The following SH3TC2 variants were observed in gnomAD, a reference collection of about 807,000 sequenced individuals.
SH3TC2 encodes the protein SH3 domain and tetratricopeptide repeat-containing protein 2.
SH3TC2 carries 87 observed loss-of-function variants against 124.5 expected under a neutral mutation model. The observed-to-expected ratio is 0.70, with a 90% CI of 0.59 to 0.84. The LOEUF is 0.84. Ranked by LOEUF, SH3TC2 falls within the 40% of genes least tolerant of loss-of-function variation. The pLI, the probability that SH3TC2 is intolerant of heterozygous loss-of-function variation, is 0.00. For missense variants in SH3TC2, 1,536 were observed against 1,566.4 expected, an observed-to-expected ratio of 0.98 and a Z score of 0.33; for synonymous variants, 634 against 628.5, an observed-to-expected ratio of 1.01 and a Z score of -0.13.
chr5:149,036,834 G>C (rs973770920), intron 8 of SH3TC2, among the ~76,000 whole-genome samples: 2 of 152,138 alleles, frequency 1.3e-5, no homozygotes, highest in African/African-American at 4.8e-5. Context: ...TATTTGTAAA[G>C]CTCCTGGAAT....
At chr5:149,016,244 TA>T (rs1561760127) in intron 12 of SH3TC2, among the ~76,000 whole-genome samples, 1 of 152,196 alleles carries the variant, frequency 6.6e-6, no homozygotes, top group Non-Finnish European at 1.5e-5. Flanking sequence ...GACCAAGTAA[TA>T]AGCCCTGTTT....
chr5:149,027,394 G>A lies in SH3TC2; in HGVS notation c.2338C>T (p.Leu780=). The change falls in exon 11 of 17, where the codon CTG becomes TTG. Residue 780 remains leucine (L), a synonymous_variant. Coordinates refer to ENST00000515425, the MANE Select transcript of SH3TC2 (RefSeq NM_024577.4). ...TGCCCTAGCACCAAGGCCTGGCTCA[G>A]GTAGTGGATGGCACCGTCAGGAGAC... is the stretch of plus-strand genomic sequence containing the variant. ...HRSPDGAIHY[L]SQALVLGQLL... 4 of 1,614,158 alleles carry A rather than the reference G, an allele frequency of 2.5e-6. No homozygotes were observed. Among genetic ancestry groups the A allele is most frequent in the Non-Finnish European group, 3.4e-6 (4 of 1,180,038 alleles).
rs1753564620 is a variant in SH3TC2 at position 148,999,632 on chromosome 5, T to C, written c.*5079A>G. Among the ~76,000 whole-genome samples the C allele has an allele frequency of 1.3e-5, 2 of 152,186 alleles. No homozygotes were observed. Among genetic ancestry groups the C allele is most frequent in the Non-Finnish European group, 2.9e-5 (2 of 68,030 alleles). ...AGGGAAATATGGCAACTAAATCCAA[T>C]GTGGGATCAGAAGAACATTAGTGGG... On this transcript the variant is annotated 3_prime_UTR_variant, in exon 17 of 17. Coordinates refer to ENST00000515425, the MANE Select transcript of SH3TC2 (RefSeq NM_024577.4).
chr5:149,012,036 TC>T (rs1753791923), intron 13 of SH3TC2, among the ~76,000 whole-genome samples: 1 of 152,156 alleles, frequency 6.6e-6, no homozygotes, highest in Admixed American at 6.5e-5. Context: ...CCCAGAGATG[TC>T]ATATGGCAAG....
At chr5:149,029,732 C>T (rs1397298958) in intron 9 of SH3TC2, among the ~76,000 whole-genome samples, 2 of 152,062 alleles carry the variant, frequency 1.3e-5, no homozygotes, top group Non-Finnish European at 1.5e-5. Context: ...CAAGTGCAAC[C>T]GGACTAGGTA....
chr5:149,023,036 G>A (rs571096706), intron 12 of SH3TC2, among the ~76,000 whole-genome samples: 1 of 152,324 alleles, frequency 6.6e-6, no homozygotes, highest in South Asian at 2.1e-4. Context: ...TTTATGGTGT[G>A]TAATTAAACC....
At chr5:149,031,471 G>T (rs1754192063) in intron 9 of SH3TC2, 83 bp downstream of exon 9, 11 of 1,565,202 alleles carry the variant, frequency 7.0e-6, no homozygotes, top group Middle Eastern at 1.7e-4. Flanking sequence ...TTAGAATTTA[G>T]GGGTATTCTA....
intron 12 of SH3TC2, among the ~76,000 whole-genome samples, chr5:149,018,280 C>T (rs1753908757): frequency 6.6e-6 from 1 of 152,084 alleles, no homozygotes; most frequent in Non-Finnish European, 1.5e-5. Context: ...CATTGCAACC[C>T]CCCGCCCCCA....
In SH3TC2 at chr5:148,999,122, G is replaced by T. The variant is rs977487082; in HGVS notation, c.*5589C>A. ...CAGAGGAATAATTGAAGCTTAAAGA[G>T]GTAAAGTAAGTTGCTCAGGTCACTC... On this transcript the variant is annotated 3_prime_UTR_variant, in exon 17 of 17. Coordinates refer to ENST00000515425, the MANE Select transcript of SH3TC2 (RefSeq NM_024577.4). 2.6e-5 allele frequency among the ~76,000 whole-genome samples: 4 copies of T among 152,162 alleles called. No individual in the cohort carries two copies. The highest frequency in any genetic ancestry group is 9.7e-5 in the African/African-American group (4 of 41,436).
rs1267307502 is a variant in SH3TC2 at position 148,986,611 on chromosome 5, G to C, written c.*18100C>G. Among the ~76,000 whole-genome samples, 1 of 152,172 alleles carries C rather than the reference G, an allele frequency of 6.6e-6. No homozygotes were observed. ...TGCTTGTTGAATTATCATTTTAAAAGTGAACTTCAATTAGATTATTCATAC... is the reference window on the plus strand; with the variant it reads ...TGCTTGTTGAATTATCATTTTAAAACTGAACTTCAATTAGATTATTCATAC... On this transcript the variant is annotated 3_prime_UTR_variant, in exon 17 of 17. Transcript: ENST00000515425.
At chr5:149,037,114 G>A (rs17109282) in intron 8 of SH3TC2, among the ~76,000 whole-genome samples, 36,556 of 152,066 alleles carry the variant, frequency 0.24, 4,960 homozygotes, top group African/African-American at 0.36. Flanking sequence ...CCAGAGCATG[G>A]ACCCACCTTT....
In SH3TC2 at chr5:149,062,352, C is replaced by T. The variant is rs1284744048; in HGVS notation, c.52+619G>A. Reference sequence around the variant, plus strand: ...ACCAACCAGCCTGGTTGGCCTGGAACTGACATATCCCAGCAAATTCCTCAG... The same window carrying T: ...ACCAACCAGCCTGGTTGGCCTGGAATTGACATATCCCAGCAAATTCCTCAG... On this transcript the variant is annotated intron_variant, in intron 1 of 16. Transcript: ENST00000515425. 9.4e-6 allele frequency: 5 copies of T among 533,682 alleles called. No individual in the cohort carries two copies. The African/African-American group carries it at 9.6e-5, about 10-fold the overall frequency. The allele number at this position is 533,682 out of a possible 1,614,324, so 33.1% of individuals were successfully genotyped here.
chr5:149,009,750 A>G (rs1017578409), intron 14 of SH3TC2, among the ~76,000 whole-genome samples: 1 of 152,192 alleles, frequency 6.6e-6, no homozygotes, highest in Non-Finnish European at 1.5e-5. Context: ...TCTTAACATC[A>G]ACTCTTTTTC....
rs915208177 is a variant in SH3TC2, at chr5:148,983,050, C to G, written c.*21661G>C. 6.6e-6 allele frequency among the ~76,000 whole-genome samples: 1 copy of G among 152,162 alleles called. No individual in the cohort carries two copies. The highest frequency in any genetic ancestry group is 2.4e-5 in the African/African-American group (1 of 41,436). ...CCTTTCCTGGGCCTCAGTGTCCCAT[C>G]TATGGGATAAAGAGGGAGAACTAGC... On this transcript the variant is annotated 3_prime_UTR_variant, in exon 17 of 17. Coordinates refer to ENST00000515425, the MANE Select transcript of SH3TC2 (RefSeq NM_024577.4).
Position 149,028,606 on chromosome 5 carries a change from C to CA in SH3TC2, c.1178-53_1178-52insT, listed in dbSNP as rs778589609. 2.5e-6 allele frequency: 4 copies of CA among 1,614,058 alleles called. No individual in the cohort carries two copies. The South Asian group carries it at 4.4e-5, about 18-fold the overall frequency. The stretch of plus-strand genomic sequence containing the variant: ...CCTTGGGCACCTGCACCTAAGGTGG[C>CA]CGCTCTTGGCAAGAGGACAGAAGTG... On this transcript the variant is annotated intron_variant, in intron 10 of 16. Coordinates refer to ENST00000515425, the MANE Select transcript of SH3TC2 (RefSeq NM_024577.4).
In SH3TC2 at chr5:149,052,197, A is replaced by G. The variant is rs190416187; in HGVS notation, c.96T>C (p.Cys32=). ...TTTCCTTGTATTCAGATGAGGCTAT[A>G]CACTCACTCGATACAGTTGGATCCT... ...PSKDPTVSSE[C]IASSEYKEKC... Residue 32 remains cysteine, a synonymous_variant, in exon 2 of 17, where the codon TGT becomes TGC. Coordinates refer to ENST00000515425, the MANE Select transcript of SH3TC2 (RefSeq NM_024577.4). The G allele has an allele frequency of 1.7e-5, 27 of 1,613,766 alleles. No homozygotes were observed. The Admixed American group carries it at 4.5e-4, about 27-fold the overall frequency.
At chr5:149,020,808 G>T (rs1753956230) in intron 12 of SH3TC2, among the ~76,000 whole-genome samples, 1 of 152,032 alleles carries the variant, frequency 6.6e-6, no homozygotes, top group Non-Finnish European at 1.5e-5. Flanking sequence ...AATACATGTA[G>T]AAAAAGCTGA....
chr5:149,042,822 C>T lies in SH3TC2; in HGVS notation c.401G>A (p.Cys134Tyr), dbSNP rs1754394837. ...TYLNLGYVSMCLEHLLFDHKY... is the reference protein window; with the variant it reads ...TYLNLGYVSMYLEHLLFDHKY... ...GTGGTCAAAGAGGAGATGTTCTAGA[C>T]ACATGGATACGTAGCCTAAGAAGTC... The change falls in exon 5 of 17, where the codon TGT (cysteine) becomes TAT (tyrosine). Residue 134 changes from cysteine to tyrosine, a missense_variant. By Grantham distance (194) the Cys-to-Tyr change is radical (BLOSUM62 -2). Transcript: ENST00000515425. 1 of 1,614,004 alleles carries T rather than the reference C, an allele frequency of 6.2e-7. No individual in the cohort carries two copies. Among genetic ancestry groups the T allele is most frequent in the Non-Finnish European group, 8.5e-7 (1 of 1,180,042 alleles).
chr5:149,021,966 T>G (rs1214174758), intron 12 of SH3TC2, among the ~76,000 whole-genome samples: 1 of 33,374 alleles, frequency 3.0e-5, no homozygotes. Flanking sequence ...CAGGCTGGAG[T>G]GCAGTGGCGG....
Sources: allele counts gnomAD v4.1 joint callset (sites outside exome capture counted in the v4.1 genomes callset), GRCh38; gene constraint gnomAD v4.1.1; transcripts MANE v1.5; gene names NCBI Gene and HGNC (gene_info 2026-07-23, HGNC 2026-07-21).